Variants in IGSF11 observed in about 807,000 individuals in gnomAD.
IGSF11 encodes CXADR like 1.
A neutral mutation model predicts 41.0 loss-of-function variants in IGSF11; 22 were observed. That is an observed-to-expected ratio of 0.54 (90% CI 0.38 to 0.77). The LOEUF is 0.77. Ranked by LOEUF, IGSF11 falls within the 30% of genes least tolerant of loss-of-function variation. IGSF11 has a pLI of 0.00. For missense variants in IGSF11, 444 were observed against 530.8 expected, an observed-to-expected ratio of 0.84 and a Z score of 1.61; for synonymous variants, 219 against 201.3, an observed-to-expected ratio of 1.09 and a Z score of -0.74.
chr3:118,930,281 G>C lies in IGSF11; in HGVS notation c.53-6C>G, dbSNP rs770025984. 1 of 1,609,888 alleles carries C rather than the reference G, an allele frequency of 6.2e-7. No individual in the cohort carries two copies. The highest frequency in any genetic ancestry group is 1.1e-5 in the South Asian group (1 of 90,410). On this transcript the variant is annotated splice_polypyrimidine_tract_variant and splice_region_variant and intron_variant, in intron 1 of 6. Coordinates refer to ENST00000393775, the MANE Select transcript of IGSF11 (RefSeq NM_001015887.3). ...TTCCAGGGATGCTGCAACACCTACA[G>C]AAGAAGGAACAGGGAGGTTATATGC...
chr3:119,076,424 G>T (rs1462666541), intron 1 of IGSF11, among the ~76,000 whole-genome samples: 1 of 152,124 alleles, frequency 6.6e-6, no homozygotes, highest in Non-Finnish European at 1.5e-5. Context: ...ATCTAATTAA[G>T]CTAAGGAGCT....
At chr3:118,906,756 A>G (rs563544376) in intron 4 of IGSF11, among the ~76,000 whole-genome samples, 45 of 152,364 alleles carry the variant, frequency 3.0e-4, no homozygotes, top group Middle Eastern at 6.8e-3. Context: ...ACTTACAGGA[A>G]TAACTTTAAA....
intron 1 of IGSF11, among the ~76,000 whole-genome samples, chr3:119,086,780 A>T (rs1278180985): frequency 1.3e-5 from 2 of 152,238 alleles, no homozygotes; most frequent in Non-Finnish European, 2.9e-5. Flanking sequence ...ATGGAATCCA[A>T]CACCTGCTAC....
chr3:119,110,484 C>T (rs550781946), intron 1 of IGSF11, among the ~76,000 whole-genome samples: 89 of 152,234 alleles, frequency 5.8e-4, no homozygotes, highest in African/African-American at 1.9e-3. Flanking sequence ...CTATGTGTGT[C>T]TCTGCACGTG....
At chr3:119,068,122 G>T (rs748282556) in intron 1 of IGSF11, among the ~76,000 whole-genome samples, 8 of 152,182 alleles carry the variant, frequency 5.3e-5, no homozygotes, top group East Asian at 1.9e-4. Flanking sequence ...AGATAAATGG[G>T]TCTTCACCTA....
intron 1 of IGSF11, among the ~76,000 whole-genome samples, chr3:119,073,944 C>T (rs536782311): frequency 8.9e-4 from 135 of 152,340 alleles, no homozygotes; most frequent in African/African-American, 3.2e-3. Context: ...GCGAGGGCTG[C>T]CAGCACGCTG....
At chr3:118,929,965 G>A in intron 2 of IGSF11, 147 bp downstream of exon 2, 2 of 616,092 alleles carry the variant, frequency 3.2e-6, no homozygotes, top group Non-Finnish European at 5.4e-6. Flanking sequence ...TGACTGATAG[G>A]GCAGAGGAGT....
intron 1 of IGSF11, chr3:118,947,675 C>T (rs1944260228): frequency 6.6e-6 from 1 of 152,268 alleles, no homozygotes; most frequent in Non-Finnish European, 1.5e-5. Context: ...CCTTTGTAAC[C>T]AGCACATGGT....
intron 1 of IGSF11, chr3:118,983,228 T>G (rs934053910): frequency 1.3e-5 from 2 of 152,210 alleles, no homozygotes; most frequent in Non-Finnish European, 2.9e-5. Context: ...ATTAACATCT[T>G]TGATATTCAC....
chr3:119,023,531 A>G (rs531714687), intron 1 of IGSF11, among the ~76,000 whole-genome samples: 1 of 152,278 alleles, frequency 6.6e-6, no homozygotes, highest in East Asian at 1.9e-4. Context: ...ACACATATGC[A>G]CATGTACGCA....
chr3:119,035,902 GC>G (rs1940871668), upstream of IGSF11, among the ~76,000 whole-genome samples: 1 of 152,070 alleles, frequency 6.6e-6, no homozygotes, highest in African/African-American at 2.4e-5. Flanking sequence ...CAGAAATTGA[GC>G]CCTCATCTGG....
At chr3:119,133,316 G>A (rs917831146) in intron 1 of IGSF11, among the ~76,000 whole-genome samples, 1 of 152,044 alleles carries the variant, frequency 6.6e-6, no homozygotes, top group Non-Finnish European at 1.5e-5. Context: ...TTGATAGAAC[G>A]CTAGCAAGAC....
intron 1 of IGSF11, among the ~76,000 whole-genome samples, chr3:118,962,052 G>C (rs779856426): frequency 1.3e-5 from 2 of 152,176 alleles, no homozygotes; most frequent in Non-Finnish European, 2.9e-5. Flanking sequence ...TTGTTGGAAA[G>C]ACTTGGAGCT....
chr3:118,975,317 T>A lies in IGSF11; in HGVS notation c.53-45042A>T, dbSNP rs4687962. 2.7e-5 allele frequency among the ~76,000 whole-genome samples: 4 copies of A among 150,192 alleles called. No homozygotes were observed. The South Asian group carries it at 8.3e-4, about 31-fold the overall frequency. On this transcript the variant is annotated intron_variant, in intron 1 of 6. Transcript: ENST00000393775. ...CTTAAAAAAATTTACTCATTTCATA[T>A]AGATTTTACCATATGTGACAAATAA...
chr3:118,906,666 G>T (rs574068758), intron 4 of IGSF11, among the ~76,000 whole-genome samples: 1 of 152,286 alleles, frequency 6.6e-6, no homozygotes, highest in South Asian at 2.1e-4. Context: ...GTATTGCCAA[G>T]AAATGCTTCA....
chr3:119,083,126 C>CTTTTTTTTTTTTTTTTTTTTTT (rs79620142), intron 1 of IGSF11, among the ~76,000 whole-genome samples: 3 of 129,120 alleles, frequency 2.3e-5, no homozygotes, highest in Non-Finnish European at 4.7e-5. Flanking sequence ...TTTCTTTTTT[C>CTTTTTTTTTTTTTTTTTTTTTT]TTTTTTTTTT....
chr3:119,107,050 G>T (rs1356919290), upstream of IGSF11, among the ~76,000 whole-genome samples: 1 of 152,116 alleles, frequency 6.6e-6, no homozygotes, highest in Non-Finnish European at 1.5e-5. Context: ...ATCAACATAC[G>T]TGTGCATGTG....
chr3:118,949,018 T>C (rs1307207253), intron 1 of IGSF11, among the ~76,000 whole-genome samples: 1 of 148,990 alleles, frequency 6.7e-6, no homozygotes, highest in African/African-American at 2.5e-5. Context: ...AAAGGCACAA[T>C]TTTTTTATAT....
chr3:119,039,360 C>A (rs1941030934), upstream of IGSF11, among the ~76,000 whole-genome samples: 1 of 152,094 alleles, frequency 6.6e-6, no homozygotes, highest in Non-Finnish European at 1.5e-5. Flanking sequence ...GCTCATGGTC[C>A]CCTTCTTCTA....
Sources: gnomAD v4.1 joint callset for allele counts (sites outside exome capture counted in the v4.1 genomes callset) on GRCh38, gnomAD v4.1.1 for gene constraint, MANE v1.5 for transcripts, NCBI Gene and HGNC (gene_info 2026-07-23, HGNC 2026-07-21) for gene names.